The following WWOX variants were observed in gnomAD, a reference collection of about 807,000 sequenced individuals.
WWOX encodes the protein WW domain-containing oxidoreductase.
A neutral mutation model predicts 46.2 loss-of-function variants in WWOX; 69 were observed. The observed-to-expected ratio is 1.49, with a 90% CI of 1.23 to 1.82. The LOEUF (loss-of-function observed/expected upper bound fraction) is 1.82. WWOX is among the 40% of genes most tolerant of loss of function. WWOX has a pLI of 0.00. For synonymous variants in WWOX, 359 were observed against 202.6 expected (o/e 1.77, Z -6.56); for missense variants, 919 against 542.6 (o/e 1.69, Z -6.89).
At chr16:78,418,574 A>C (rs1189005381) in intron 6 of WWOX, among the ~76,000 whole-genome samples, 1 of 152,172 alleles carries the variant, frequency 6.6e-6, no homozygotes. Context: ...CTAGCAAGCC[A>C]AATGCAGCCA....
intron 8 of WWOX, chr16:78,890,310 G>T (rs2044561299): frequency 7.4e-6 from 1 of 135,262 alleles, no homozygotes; most frequent in Admixed American, 6.8e-5. Flanking sequence ...TTGACCTCTT[G>T]CCTCTCCATC....
chr16:79,070,443 C>G (rs1392228733), intron 8 of WWOX, among the ~76,000 whole-genome samples: 1 of 152,160 alleles, frequency 6.6e-6, no homozygotes, highest in Non-Finnish European at 1.5e-5. Flanking sequence ...TGCCCTTTTT[C>G]TTGATGGATT....
At chr16:78,499,113 C>G (rs2084990191) in intron 8 of WWOX, among the ~76,000 whole-genome samples, 2 of 152,060 alleles carry the variant, frequency 1.3e-5, no homozygotes, top group African/African-American at 2.4e-5. Context: ...CTGAATTTTC[C>G]TAAGTATGAA....
At position 78,350,143 on chromosome 16, in the gene WWOX, C is replaced by T. The variant is rs1304034509; in HGVS notation, c.517-36717C>T. ...GCAATATTCTGTCATATGGGTTTACCATACTTTTCTCAATCCACAATCTCA... is the reference window on the plus strand; with the variant it reads ...GCAATATTCTGTCATATGGGTTTACTATACTTTTCTCAATCCACAATCTCA... On this transcript the variant is annotated intron_variant, in intron 5 of 8. Coordinates refer to ENST00000566780, the MANE Select transcript of WWOX (RefSeq NM_016373.4). 8.3e-5 allele frequency among the ~76,000 whole-genome samples: 10 copies of T among 121,128 alleles called. 3 individuals are homozygous for T. Among genetic ancestry groups the T allele is most frequent in the Admixed American group, 2.4e-4 (3 of 12,450 alleles). The allele number at this position is 121,128 out of a possible 152,430, so 79.5% of individuals were successfully genotyped here.
rs1004404014 is a variant in WWOX at position 79,026,337 on chromosome 16, T to G, written c.1057-185271T>G. 5.9e-5 allele frequency among the ~76,000 whole-genome samples: 9 copies of G among 151,636 alleles called. 1 individual carries two copies. The highest frequency in any genetic ancestry group is 2.2e-4 in the African/African-American group (9 of 40,990). ...CTGCCGGGGAGGCTCTCCCTTCACC[T>G]TCATTAGGTTATCAGATCTCAGCTC... On this transcript the variant is annotated intron_variant, in intron 8 of 8. Transcript: ENST00000566780.
intron 5 of WWOX, among the ~76,000 whole-genome samples, chr16:78,311,664 G>T (rs1411923920): frequency 1.3e-5 from 2 of 152,226 alleles, no homozygotes; most frequent in Non-Finnish European, 2.9e-5. Context: ...CTGTAGGAGA[G>T]ATGGGGAGTA....
chr16:78,158,240 G>A (rs1326681398), intron 4 of WWOX, among the ~76,000 whole-genome samples: 1 of 152,194 alleles, frequency 6.6e-6, no homozygotes, highest in Non-Finnish European at 1.5e-5. Context: ...ACGGTATGCT[G>A]ATTTTGCGTG....
intron 8 of WWOX, among the ~76,000 whole-genome samples, chr16:78,584,614 A>C (rs1265162942): frequency 6.6e-6 from 1 of 152,224 alleles, no homozygotes; most frequent in Non-Finnish European, 1.5e-5. Flanking sequence ...GAAAGAAGAC[A>C]GACTGTTACC....
At chr16:78,807,188 C>T (rs1200039665) in intron 8 of WWOX, among the ~76,000 whole-genome samples, 1 of 152,218 alleles carries the variant, frequency 6.6e-6, no homozygotes. Context: ...TAATCTATGT[C>T]ACTGAGTACA....
intron 8 of WWOX, among the ~76,000 whole-genome samples, chr16:78,712,386 T>C (rs191952423): frequency 1.9e-4 from 29 of 151,916 alleles, no homozygotes; most frequent in African/African-American, 7.0e-4. Flanking sequence ...CCTGTAGGCC[T>C]AGTTACTTGG....
chr16:78,130,786 G>A (rs1223923023), intron 4 of WWOX, among the ~76,000 whole-genome samples: 3 of 152,230 alleles, frequency 2.0e-5, no homozygotes, highest in Admixed American at 1.3e-4. Flanking sequence ...TAAGACTTCA[G>A]TGTAGAAACA....
intron 8 of WWOX, among the ~76,000 whole-genome samples, chr16:78,480,700 A>T (rs1293927149): frequency 6.6e-6 from 1 of 152,196 alleles, no homozygotes; most frequent in Non-Finnish European, 1.5e-5. Flanking sequence ...GATGGTCAGG[A>T]ATTGTGTGCA....
At chr16:78,717,511 G>T (rs1055242481) in intron 8 of WWOX, among the ~76,000 whole-genome samples, 1 of 152,168 alleles carries the variant, frequency 6.6e-6, no homozygotes, top group Non-Finnish European at 1.5e-5. Flanking sequence ...TATATGAACT[G>T]TTGGAAGGGT....
intron 8 of WWOX, among the ~76,000 whole-genome samples, chr16:79,122,324 GC>G (rs1386114185): frequency 5.3e-5 from 8 of 152,136 alleles, no homozygotes; most frequent in African/African-American, 1.9e-4. Flanking sequence ...TGTTCAGGCG[GC>G]ATTAACCCCC....
In WWOX at chr16:78,307,770, TC is replaced by T. The variant is rs1030494544; in HGVS notation, c.517-79088del. On this transcript the variant is annotated intron_variant, in intron 5 of 8. Transcript: ENST00000566780. ...CTCCCACATACTGGACCCTTAATATTCCTTTTCATGGGAGGTTTTGCAGATT... is the reference window on the plus strand; with the variant it reads ...CTCCCACATACTGGACCCTTAATATTCTTTTCATGGGAGGTTTTGCAGATT... Among the ~76,000 whole-genome samples, 20 of 149,800 alleles carry T rather than the reference TC, an allele frequency of 1.3e-4. 1 individual carries two copies. The highest frequency in any genetic ancestry group is 5.1e-4 in the African/African-American group (20 of 39,150).
chr16:78,836,716 G>T (rs762386938), intron 8 of WWOX, among the ~76,000 whole-genome samples: 9 of 152,116 alleles, frequency 5.9e-5, no homozygotes, highest in Non-Finnish European at 1.0e-4. Context: ...CTTAATATCA[G>T]GCAGATGGTA....
intron 8 of WWOX, among the ~76,000 whole-genome samples, chr16:78,841,484 G>T (rs2205383): frequency 0.64 from 97,732 of 152,088 alleles, 31,795 homozygotes; most frequent in South Asian, 0.77. Flanking sequence ...ACCATGGAAA[G>T]TGGCAAATGC....
At chr16:78,805,638 T>G (rs1377014230) in intron 8 of WWOX, among the ~76,000 whole-genome samples, 1 of 152,212 alleles carries the variant, frequency 6.6e-6, no homozygotes, top group Non-Finnish European at 1.5e-5. Context: ...GGATCTACTT[T>G]GGATTTTTAG....
intron 8 of WWOX, among the ~76,000 whole-genome samples, chr16:79,100,854 A>G (rs1260121120): frequency 6.6e-6 from 1 of 151,954 alleles, no homozygotes; most frequent in Non-Finnish European, 1.5e-5. Context: ...AGCAGAGGGC[A>G]GTGGAATGTA....
Sources: allele counts gnomAD v4.1 joint callset (sites outside exome capture counted in the v4.1 genomes callset), GRCh38; gene constraint gnomAD v4.1.1; transcripts MANE v1.5; gene names NCBI Gene and HGNC (gene_info 2026-07-23, HGNC 2026-07-21).